Variants in ARHGAP6 observed in about 807,000 individuals in gnomAD.
ARHGAP6 encodes the protein rho GTPase-activating protein 6.
Under a neutral mutation model 55.7 loss-of-function variants are expected in ARHGAP6, and 16 were observed. That is an observed-to-expected ratio of 0.29 (90% CI 0.19 to 0.44). The LOEUF (loss-of-function observed/expected upper bound fraction) is 0.44, where lower values mean the gene tolerates loss of function less well. Ranked by LOEUF, ARHGAP6 falls within the 20% of genes least tolerant of loss-of-function variation. The probability of loss-of-function intolerance (pLI) is 1.00; values close to 1 mark genes in which losing one functional copy is unlikely to be tolerated. For missense variants in ARHGAP6, 698 were observed against 808.9 expected, an observed-to-expected ratio of 0.86 and a Z score of 1.66; for synonymous variants, 382 against 360.9, an observed-to-expected ratio of 1.06 and a Z score of -0.66.
chrX:11,463,992 T>C (rs1446429870), intron 1 of ARHGAP6, among the ~76,000 whole-genome samples: 1 of 112,200 alleles, frequency 8.9e-6, no homozygotes, highest in East Asian at 2.8e-4. Flanking sequence ...GGGTCCCAGG[T>C]AAATGTGAAG....
intron 1 of ARHGAP6, among the ~76,000 whole-genome samples, chrX:11,260,700 T>C (rs966835693): frequency 6.2e-5 from 7 of 112,322 alleles, no homozygotes; most frequent in Admixed American, 1.9e-4. Flanking sequence ...TATAATTTTA[T>C]GTGTACAAAA....
chrX:11,418,688 G>T (rs989924955), intron 1 of ARHGAP6, among the ~76,000 whole-genome samples: 4 of 111,708 alleles, frequency 3.6e-5, no homozygotes, highest in Non-Finnish European at 7.5e-5. Context: ...TCTACTAAAT[G>T]CTTTAATAGG....
chrX:11,663,971 C>T (rs928234758), intron 1 of ARHGAP6, among the ~76,000 whole-genome samples: 1 of 112,784 alleles, frequency 8.9e-6, no homozygotes, highest in Non-Finnish European at 1.9e-5. Flanking sequence ...GCCTGCAGCA[C>T]TAACAGAAAA....
chrX:11,218,045 G>T lies in ARHGAP6; in HGVS notation c.749-21049C>A, dbSNP rs186806166. 3.6e-5 allele frequency among the ~76,000 whole-genome samples: 4 copies of T among 111,544 alleles called. No individual in the cohort carries two copies. In the East Asian group the frequency reaches 1.1e-3, roughly 31 times the overall value. ...TGTACATGTGTGGCATTGTTCTGAG[G>T]CCTCTGTTCTGTTCTATTGGTCTAT... On this transcript the variant is annotated intron_variant, in intron 2 of 12. Transcript: ENST00000337414.
intron 1 of ARHGAP6, chrX:11,334,998 G>C (rs908587538): frequency 4.5e-5 from 6 of 132,787 alleles, no homozygotes; most frequent in African/African-American, 1.9e-4. Flanking sequence ...CCTGAAGATA[G>C]GTGTGTGATT....
chrX:11,280,232 CA>C (rs1249657886), intron 1 of ARHGAP6, among the ~76,000 whole-genome samples: 23 of 111,828 alleles, frequency 2.1e-4, no homozygotes, highest in African/African-American at 7.5e-4. Context: ...CTCTCACCTC[CA>C]GGTTAGAATC....
intron 1 of ARHGAP6, among the ~76,000 whole-genome samples, chrX:11,394,232 A>ATT (rs1254996041): frequency 8.9e-6 from 1 of 112,174 alleles, no homozygotes; most frequent in African/African-American, 3.2e-5. Context: ...CTGCAACATG[A>ATT]ATGAGCCTCA....
intron 1 of ARHGAP6, among the ~76,000 whole-genome samples, chrX:11,576,487 G>A (rs952190024): frequency 3.6e-5 from 4 of 111,777 alleles, no homozygotes; most frequent in African/African-American, 6.5e-5. Flanking sequence ...ATGCAGGGAA[G>A]GGCTGAGTTA....
At chrX:11,520,840 G>T (rs187287723) in intron 1 of ARHGAP6, among the ~76,000 whole-genome samples, 20,201 of 110,720 alleles carry the variant, frequency 0.18, 1,431 homozygotes, top group Middle Eastern at 0.29. Flanking sequence ...CCTGACTTTT[G>T]AATGATCGCC....
chrX:11,140,261 A>G (rs145865981), intron 12 of ARHGAP6, among the ~76,000 whole-genome samples: 2,815 of 108,333 alleles, frequency 0.026, 88 homozygotes, highest in African/African-American at 0.091. Flanking sequence ...CACTAAAAAT[A>G]CAAAAAATTA....
At chrX:11,388,369 T>C (rs2049358553) in intron 1 of ARHGAP6, among the ~76,000 whole-genome samples, 1 of 112,204 alleles carries the variant, frequency 8.9e-6, no homozygotes, top group South Asian at 3.8e-4. Context: ...GAAGTGTCTG[T>C]TCATATCCTT....
At chrX:11,461,875 A>G (rs746559255) in intron 1 of ARHGAP6, among the ~76,000 whole-genome samples, 13 of 111,791 alleles carry the variant, frequency 1.2e-4, no homozygotes, top group African/African-American at 3.9e-4. Flanking sequence ...CTCAAGAAGA[A>G]GCATATCAGA....
At chrX:11,400,491 C>T (rs1276876680) in intron 1 of ARHGAP6, among the ~76,000 whole-genome samples, 2 of 108,530 alleles carry the variant, frequency 1.8e-5, no homozygotes, top group Non-Finnish European at 3.8e-5. Context: ...TGTCAATGAA[C>T]GTGCCCCCCC....
chrX:11,438,709 T>C (rs1341852625), intron 1 of ARHGAP6, among the ~76,000 whole-genome samples: 2 of 112,908 alleles, frequency 1.8e-5, no homozygotes, highest in East Asian at 5.5e-4. Flanking sequence ...TCAAGTCCTC[T>C]GAGGTTATCA....
At chrX:11,328,935 A>G (rs5933876) in intron 1 of ARHGAP6, among the ~76,000 whole-genome samples, 3,029 of 111,969 alleles carry the variant, frequency 0.027, 35 homozygotes, top group Middle Eastern at 0.069. Context: ...TAATAACTGA[A>G]TGTTCTAATC....
At chrX:11,210,587 G>A (rs897722398) in intron 2 of ARHGAP6, among the ~76,000 whole-genome samples, 1 of 112,124 alleles carries the variant, frequency 8.9e-6, no homozygotes, top group Non-Finnish European at 1.9e-5. Context: ...AGAATGCAAC[G>A]GACACAGGGA....
chrX:11,527,271 G>A (rs1046627127), intron 1 of ARHGAP6, among the ~76,000 whole-genome samples: 2 of 111,207 alleles, frequency 1.8e-5, no homozygotes, highest in Admixed American at 9.7e-5. Flanking sequence ...TCTTCTATGA[G>A]TGTTGTAAAG....
intron 1 of ARHGAP6, among the ~76,000 whole-genome samples, chrX:11,395,533 A>C (rs1032701631): frequency 2.7e-5 from 3 of 112,227 alleles, no homozygotes; most frequent in Non-Finnish European, 3.8e-5. Context: ...AGGTGAGGAC[A>C]CAGGACATGC....
At chrX:11,560,405 G>A (rs1198290118) in intron 1 of ARHGAP6, among the ~76,000 whole-genome samples, 1 of 112,578 alleles carries the variant, frequency 8.9e-6, no homozygotes, top group African/African-American at 3.2e-5. Context: ...CAAGTTTAGT[G>A]TTTAATGAAA....
Sources: gnomAD v4.1 joint callset for allele counts (sites outside exome capture counted in the v4.1 genomes callset) on GRCh38, gnomAD v4.1.1 for gene constraint, MANE v1.5 for transcripts, NCBI Gene and HGNC (gene_info 2026-07-23, HGNC 2026-07-21) for gene names.